Variants in LCLAT1 observed in about 807,000 individuals in gnomAD.
The protein encoded by LCLAT1 is 1-AGP acyltransferase 8.
LCLAT1 carries 11 observed loss-of-function variants against 30.7 expected under a neutral mutation model. The observed-to-expected ratio is 0.36, with a 90% CI of 0.23 to 0.59. LCLAT1 has a LOEUF of 0.59. LCLAT1 is among the 20% of genes least tolerant of loss of function. The pLI is 0.77. For synonymous variants in LCLAT1, 155 were observed against 151.3 expected, an observed-to-expected ratio of 1.02 and a Z score of -0.18; for missense variants, 402 against 458.6, an observed-to-expected ratio of 0.88 and a Z score of 1.13.
intron 5 of LCLAT1, among the ~76,000 whole-genome samples, chr2:30,598,152 T>A (rs1667012001): frequency 6.6e-6 from 1 of 152,184 alleles, no homozygotes; most frequent in Non-Finnish European, 1.5e-5. Flanking sequence ...AATACTGACC[T>A]CATAAAATGA....
intron 5 of LCLAT1, among the ~76,000 whole-genome samples, chr2:30,599,043 C>T (rs1482362639): frequency 6.6e-5 from 10 of 151,248 alleles, no homozygotes; most frequent in Middle Eastern, 6.8e-3. Flanking sequence ...AGTGCAGTGG[C>T]GTGATCTCGG....
At chr2:30,524,565 T>A (rs1035341153) in intron 1 of LCLAT1, among the ~76,000 whole-genome samples, 2 of 152,154 alleles carry the variant, frequency 1.3e-5, no homozygotes, top group Non-Finnish European at 2.9e-5. Context: ...CCATTCTGAG[T>A]AGCAGGATGA....
intron 1 of LCLAT1, among the ~76,000 whole-genome samples, chr2:30,457,768 T>G (rs1379689441): frequency 2.0e-5 from 3 of 152,228 alleles, no homozygotes; most frequent in Non-Finnish European, 4.4e-5. Context: ...CTTTAACAGA[T>G]TGAACTCCAA....
intron 4 of LCLAT1, among the ~76,000 whole-genome samples, chr2:30,562,529 G>A (rs10865520): frequency 0.85 from 129,301 of 152,138 alleles, 55,089 homozygotes; most frequent in East Asian, 0.94. Flanking sequence ...AAACAAAACA[G>A]AAAAATTAAT....
intron 2 of LCLAT1, among the ~76,000 whole-genome samples, chr2:30,526,570 T>C (rs1304102271): frequency 6.6e-6 from 1 of 152,226 alleles, no homozygotes; most frequent in African/African-American, 2.4e-5. Flanking sequence ...TTTTACTCTG[T>C]CAGGGCCAGT....
At chr2:30,620,322 A>C (rs534071235) in intron 5 of LCLAT1, among the ~76,000 whole-genome samples, 2 of 152,302 alleles carry the variant, frequency 1.3e-5, no homozygotes, top group African/African-American at 4.8e-5. Context: ...GTGTGAACTA[A>C]GGGAGAGTCT....
At chr2:30,514,241 T>C (rs1235291899) in intron 1 of LCLAT1, among the ~76,000 whole-genome samples, 1 of 152,248 alleles carries the variant, frequency 6.6e-6, no homozygotes, top group Non-Finnish European at 1.5e-5. Context: ...TTTTAGGACA[T>C]ACTTGACATT....
In LCLAT1 at chr2:30,640,472, G is replaced by A. The variant is rs753941174; in HGVS notation, c.984G>A (p.Leu328=). ...CTGCAATGTGCCTACTCATATATTT[G>A]TACAGTCTTGTTAAGTGGTATTTTA... The part of the protein sequence containing the change: ...FSPAMCLLIY[L]YSLVKWYFII... The change falls in exon 6 of 6, where the codon TTG becomes TTA. Residue 328 remains leucine (L), a synonymous_variant. Transcript: ENST00000379509. 2.5e-6 allele frequency: 4 copies of A among 1,614,078 alleles called. No homozygotes were observed. The highest frequency in any genetic ancestry group is 3.4e-6 in the Non-Finnish European group (4 of 1,179,986).
intron 5 of LCLAT1, among the ~76,000 whole-genome samples, chr2:30,621,511 G>T (rs1397577190): frequency 6.6e-6 from 1 of 152,142 alleles, no homozygotes; most frequent in African/African-American, 2.4e-5. Context: ...GTGGGCTTTT[G>T]ATCCAAGAAA....
intron 1 of LCLAT1, among the ~76,000 whole-genome samples, chr2:30,466,179 TAAAG>T (rs1259571830): frequency 5.9e-5 from 9 of 152,076 alleles, no homozygotes; most frequent in African/African-American, 2.2e-4. Context: ...AATTTTTTCA[TAAAG>T]AACCAAGCTC....
At chr2:30,521,556 G>A (rs1685478616) in intron 1 of LCLAT1, among the ~76,000 whole-genome samples, 1 of 126,006 alleles carries the variant, frequency 7.9e-6, no homozygotes, top group South Asian at 2.6e-4. Flanking sequence ...TCACCAGGCT[G>A]GAGTGCAGTG....
intron 1 of LCLAT1, among the ~76,000 whole-genome samples, chr2:30,494,953 A>AT (rs563456939): frequency 0.13 from 18,520 of 137,850 alleles, 1,304 homozygotes; most frequent in South Asian, 0.25. Context: ...ATGAAGTGTG[A>AT]TTTTTTTTTT....
At chr2:30,520,148 C>G (rs1459542358) in intron 1 of LCLAT1, among the ~76,000 whole-genome samples, 1 of 152,188 alleles carries the variant, frequency 6.6e-6, no homozygotes, top group African/African-American at 2.4e-5. Context: ...AGGTTCCATT[C>G]CTTGGAATCC....
rs112612917 is a variant in LCLAT1, at chr2:30,474,926, A to G, written c.-5+27543A>G. On this transcript the variant is annotated intron_variant, in intron 1 of 5. Coordinates refer to ENST00000379509, the MANE Select transcript of LCLAT1 (RefSeq NM_001002257.3). ...CTTGGTCTCTCAAAGTGCTGGGATT[A>G]CAGGCATGAGCCACCACACCTGGCC... 6.0e-4 allele frequency among the ~76,000 whole-genome samples: 91 copies of G among 152,274 alleles called. 1 individual carries two copies. The highest frequency in any genetic ancestry group is 1.3e-3 in the African/African-American group (56 of 41,554).
intron 5 of LCLAT1, among the ~76,000 whole-genome samples, chr2:30,609,275 C>T (rs563606285): frequency 8.6e-5 from 13 of 151,874 alleles, no homozygotes; most frequent in African/African-American, 1.7e-4. Context: ...TTTTATCTTA[C>T]GACCTATGCT....
At position 30,555,911 on chromosome 2, in the gene LCLAT1, C is replaced by T. The variant is rs188140717; in HGVS notation, c.365-6235C>T. Among the ~76,000 whole-genome samples the T allele has an allele frequency of 4.1e-5, 6 of 147,082 alleles. No individual in the cohort carries two copies. In the East Asian group the frequency reaches 8.0e-4, roughly 20 times the overall value. On this transcript the variant is annotated intron_variant, in intron 3 of 5. Transcript: ENST00000379509. The stretch of plus-strand genomic sequence containing the variant: ...GGAGTGCACTGGCGCGATCTGGGCT[C>T]ACTGCAAGCTCCGCCTCCTGGTTTC...
At chr2:30,528,760 G>A (rs906375031) in intron 2 of LCLAT1, among the ~76,000 whole-genome samples, 23 of 152,302 alleles carry the variant, frequency 1.5e-4, no homozygotes, top group Middle Eastern at 3.4e-3. Flanking sequence ...CACAGTACTA[G>A]TAAAAAATTA....
At chr2:30,448,485 G>C (rs1353046920) in intron 1 of LCLAT1, among the ~76,000 whole-genome samples, 1 of 152,182 alleles carries the variant, frequency 6.6e-6, no homozygotes, top group African/African-American at 2.4e-5. Flanking sequence ...TTGGTAGTAG[G>C]CTTGATTTTA....
intron 1 of LCLAT1, among the ~76,000 whole-genome samples, chr2:30,451,787 G>A (rs948637143): frequency 1.1e-4 from 15 of 135,566 alleles, no homozygotes; most frequent in African/African-American, 4.2e-4. Context: ...TACATCAGCA[G>A]TAGAATGGAT....
Sources: allele counts gnomAD v4.1 joint callset (sites outside exome capture counted in the v4.1 genomes callset), GRCh38; gene constraint gnomAD v4.1.1; transcripts MANE v1.5; gene names NCBI Gene and HGNC (gene_info 2026-07-23, HGNC 2026-07-21).